The following ABCG2 variants were observed in gnomAD, a reference collection of about 807,000 sequenced individuals.
The protein encoded by ABCG2 is ATP binding cassette subfamily G member 2 (JR blood group), also known as broad substrate specificity ATP-binding cassette transporter ABCG2.
ABCG2 carries 80 observed loss-of-function variants against 73.5 expected under a neutral mutation model. The ratio of observed to expected loss-of-function variants is 1.09; its 90% confidence interval spans 0.91 to 1.31. ABCG2 has a LOEUF of 1.31. Ranked by LOEUF, ABCG2 falls within the 50% of genes most tolerant of loss-of-function variation. The pLI is 0.00. For synonymous variants in ABCG2, 269 were observed against 282.4 expected (o/e 0.95, Z 0.48); for missense variants, 796 against 786.2 (o/e 1.01, Z -0.15).
intron 4 of ABCG2, among the ~76,000 whole-genome samples, 170 bp downstream of exon 4, chr4:88,131,633 C>T (rs1231785038): frequency 6.6e-6 from 1 of 152,218 alleles, no homozygotes; most frequent in Non-Finnish European, 1.5e-5. Context: ...TCCAGATTCT[C>T]CCTGCCTTTT....
intron 1 of ABCG2, among the ~76,000 whole-genome samples, chr4:88,181,065 TGTTA>T (rs1466469840): frequency 6.6e-6 from 1 of 152,164 alleles, no homozygotes; most frequent in Non-Finnish European, 1.5e-5. Flanking sequence ...TCTCTTTGCT[TGTTA>T]GTTTGTTTAT....
intron 7 of ABCG2, among the ~76,000 whole-genome samples, chr4:88,117,422 G>A (rs1217908439): frequency 6.6e-6 from 1 of 151,928 alleles, no homozygotes; most frequent in Non-Finnish European, 1.5e-5. Context: ...ACAAGGTCAG[G>A]AGATCAAGAC....
At chr4:88,164,852 G>A (rs529844056) in intron 1 of ABCG2, among the ~76,000 whole-genome samples, 11 of 152,062 alleles carry the variant, frequency 7.2e-5, no homozygotes, top group East Asian at 1.9e-4. Flanking sequence ...ATCTCAGCTC[G>A]CCACAACCTC....
chr4:88,121,859 G>A (rs1360888894), intron 5 of ABCG2, 67 bp from the exon 6 acceptor site: 23 of 1,486,630 alleles, frequency 1.5e-5, no homozygotes, highest in African/African-American at 5.6e-5. Context: ...AGCTCCTAAC[G>A]TGTGCCAGTC....
chr4:88,115,256 C>CTCTCTCTCTCTCTCTCTCTATATATA (rs1309360818), intron 7 of ABCG2, among the ~76,000 whole-genome samples, 198 bp from the exon 8 acceptor site: 3 of 69,864 alleles, frequency 4.3e-5, no homozygotes, highest in African/African-American at 1.1e-4. Flanking sequence ...CTCTCTCTCT[C>CTCTCTCTCTCTCTCTCTCTATATATA]TATATATATA....
intron 1 of ABCG2, among the ~76,000 whole-genome samples, chr4:88,185,442 A>G (rs1029292513): frequency 6.6e-6 from 1 of 152,232 alleles, no homozygotes; most frequent in Non-Finnish European, 1.5e-5. Context: ...ACTGGACAAC[A>G]GTTTTTTTGA....
At chr4:88,144,408 G>A (rs560517995) in intron 1 of ABCG2, among the ~76,000 whole-genome samples, 40 of 148,520 alleles carry the variant, frequency 2.7e-4, no homozygotes, top group Non-Finnish European at 4.6e-4. Flanking sequence ...TTCATACCTC[G>A]CCTTTCTTGT....
At chr4:88,140,580 C>T (rs1038279228) in intron 1 of ABCG2, among the ~76,000 whole-genome samples, 1 of 152,094 alleles carries the variant, frequency 6.6e-6, no homozygotes, top group Non-Finnish European at 1.5e-5. Flanking sequence ...AGAGATCGTG[C>T]CACTGTACTC....
intron 1 of ABCG2, among the ~76,000 whole-genome samples, chr4:88,167,650 A>G (rs1727595232): frequency 6.6e-6 from 1 of 152,170 alleles, no homozygotes; most frequent in Non-Finnish European, 1.5e-5. Context: ...TGCTGGGATT[A>G]TAGGCATGAG....
chr4:88,176,791 C>T (rs2110097019), intron 1 of ABCG2, among the ~76,000 whole-genome samples: 1 of 151,920 alleles, frequency 6.6e-6, no homozygotes, highest in Admixed American at 6.6e-5. Flanking sequence ...TGTACCCACC[C>T]TCTACAAATT....
At chr4:88,211,358 G>GGC (rs1553900212) in intron 1 of ABCG2, among the ~76,000 whole-genome samples, 4 of 33,674 alleles carry the variant, frequency 1.2e-4, no homozygotes, top group Admixed American at 4.4e-4. Context: ...TTCAACCCCT[G>GGC]CCCCACCCCC....
At chr4:88,173,352 T>G (rs1394532676) in intron 1 of ABCG2, among the ~76,000 whole-genome samples, 1 of 152,230 alleles carries the variant, frequency 6.6e-6, no homozygotes, top group Non-Finnish European at 1.5e-5. Flanking sequence ...GAAATGGAAT[T>G]ATGTTCTGTG....
In ABCG2 at chr4:88,212,440, A is replaced by G. The variant is rs529458205; in HGVS notation, c.-20+18554T>C. On this transcript the variant is annotated intron_variant, in intron 1 of 15. Transcript: ENST00000515655. ...TCTTGGTGAATTCAGTATCTCCGAA[A>G]ACGATCTCCCCAGCACTCTGGCCTC... 1.9e-4 allele frequency among the ~76,000 whole-genome samples: 29 copies of G among 152,098 alleles called. No individual in the cohort carries two copies. The South Asian group carries it at 6.0e-3, about 32-fold the overall frequency.
chr4:88,230,230 T>A (rs536957456), intron 1 of ABCG2, among the ~76,000 whole-genome samples: 1,741 of 145,954 alleles, frequency 0.012, 33 homozygotes, highest in African/African-American at 0.039. Context: ...TGACCTCAGA[T>A]GATCCACTTG....
intron 1 of ABCG2, among the ~76,000 whole-genome samples, chr4:88,168,287 G>A (rs1428347878): frequency 6.6e-6 from 1 of 152,124 alleles, no homozygotes; most frequent in Non-Finnish European, 1.5e-5. Flanking sequence ...AGGAGATTGA[G>A]ACCATCCTGG....
chr4:88,231,365 C>G (rs914787339), upstream of ABCG2: 2 of 152,128 alleles, frequency 1.3e-5, no homozygotes, highest in African/African-American at 4.8e-5. Context: ...TTCTCGATCA[C>G]TGGGATTCAA....
At chr4:88,187,268 C>T (rs1728504079) in intron 1 of ABCG2, among the ~76,000 whole-genome samples, 1 of 151,730 alleles carries the variant, frequency 6.6e-6, no homozygotes, top group Non-Finnish European at 1.5e-5. Flanking sequence ...ATTTATTGTA[C>T]ATCTTAAAAT....
chr4:88,127,084 G>C (rs1184116086), intron 5 of ABCG2, among the ~76,000 whole-genome samples: 3 of 152,124 alleles, frequency 2.0e-5, no homozygotes, highest in African/African-American at 7.2e-5. Context: ...CAAAGTCTCA[G>C]GATACAAAAT....
chr4:88,107,863 G>A (rs1722863768), intron 9 of ABCG2, among the ~76,000 whole-genome samples: 1 of 152,232 alleles, frequency 6.6e-6, no homozygotes. Flanking sequence ...CCTCTAGGGA[G>A]TCCATGCCTG....
Sources: allele counts gnomAD v4.1 joint callset (sites outside exome capture counted in the v4.1 genomes callset), GRCh38; gene constraint gnomAD v4.1.1; transcripts MANE v1.5; gene names NCBI Gene and HGNC (gene_info 2026-07-23, HGNC 2026-07-21).